The following PLEKHG3 variants were observed in gnomAD, a reference collection of about 807,000 sequenced individuals.
PLEKHG3 encodes the protein pleckstrin homology domain-containing family G member 3.
Under a neutral mutation model 94.9 loss-of-function variants are expected in PLEKHG3, and 62 were observed. The ratio of observed to expected loss-of-function variants is 0.65; its 90% CI spans 0.53 to 0.81. The LOEUF is 0.81. PLEKHG3 is among the 30% of genes least tolerant of loss of function. PLEKHG3 has a pLI of 0.00. For missense variants in PLEKHG3, 1,461 were observed against 1,619.3 expected (o/e 0.90, Z 1.68); for synonymous variants, 614 against 654.0 (o/e 0.94, Z 0.93).
Position 64,723,493 on chromosome 14 carries a change from A to AAG in PLEKHG3, c.-39-4097_-39-4096dup, listed in dbSNP as rs556305129. On this transcript the variant is annotated intron_variant, in intron 1 of 16. Transcript: ENST00000247226. This position sits in a 1 kb window ranked among gnomAD's most constrained non-coding sequence, Gnocchi z 4.5. ...GGTTTCACAAGTATAGGACTTGAGA[A>AAG]AGAGTTTTCTTTTTTCTTTTTTTTT... Among the ~76,000 whole-genome samples the AAG allele has an allele frequency of 0.16, 24,313 of 151,918 alleles. 2,072 individuals carry two copies. The highest frequency in any genetic ancestry group is 0.22 in the African/African-American group (8,937 of 41,402).
chr14:64,741,855 C>G lies in PLEKHG3; in HGVS notation c.2338C>G (p.Arg780Gly), dbSNP rs532243151. ...PVGSKRQVGS[R>G]PTSWALFELP... ...GGGGAGCAAGAGACAGGTGGGCTCC[C>G]GGCCGACTTCGTGGGCCCTGTTTGA... Residue 780 changes from arginine to glycine, a missense_variant, in exon 16 of 17, where the codon CGG (arginine) becomes GGG (glycine). By Grantham distance (125) the Arg-to-Gly change is moderately radical (BLOSUM62 -2). Around this residue, in one of 3 missense-constraint regions of PLEKHG3, gnomAD observed 1,201 missense variants for 1,295.5 expected, o/e 0.93. Coordinates refer to ENST00000247226, the MANE Select transcript of PLEKHG3 (RefSeq NM_001308147.2). 12 of 1,613,384 alleles carry G rather than the reference C, an allele frequency of 7.4e-6. No individual in the cohort carries two copies. In the East Asian group the frequency reaches 2.2e-4, roughly 30 times the overall value.
rs2081435078 is a variant in PLEKHG3, at chr14:64,730,337, C to G, written c.519+25C>G. ...GGTAAGAAGGGCTGGGTCCTTGCCT[C>G]TGTCCTACCTTGCTGAGAGCTCAGA... On this transcript the variant is annotated intron_variant, in intron 4 of 16. Transcript: ENST00000247226. This position sits in a 1 kb window ranked among gnomAD's most constrained non-coding sequence, Gnocchi z 5.4. 6.9e-7 allele frequency: 1 copy of G among 1,448,012 alleles called. No individual in the cohort carries two copies. Among genetic ancestry groups the G allele is most frequent in the Non-Finnish European group, 9.4e-7 (1 of 1,066,486 alleles). The allele number at this position is 1,448,012 out of a possible 1,614,324, so 89.7% of individuals were successfully genotyped here. A position where few individuals can be genotyped will look rare whatever the true frequency, so the allele number is the denominator to read the frequency against.
At position 64,722,798 on chromosome 14, in the gene PLEKHG3, C is replaced by T. The variant is rs2081286474; in HGVS notation, c.-39-4795C>T. 6.6e-6 allele frequency among the ~76,000 whole-genome samples: 1 copy of T among 152,214 alleles called. No homozygotes were observed. Among genetic ancestry groups the T allele is most frequent in the Admixed American group, 6.5e-5 (1 of 15,284 alleles). On this transcript the variant is annotated intron_variant, in intron 1 of 16. Coordinates refer to ENST00000247226, the MANE Select transcript of PLEKHG3 (RefSeq NM_001308147.2). The surrounding 1 kb of genome is among the most constrained non-coding windows in gnomAD (Gnocchi z 4.3). The stretch of plus-strand genomic sequence containing the variant: ...CCCCTCTCCTGCCTTGTCCTCAACT[C>T]ACTGGCCTGGGAGGGAGAGCCAGTG...
intron 1 of PLEKHG3, among the ~76,000 whole-genome samples, chr14:64,710,554 C>T (rs2139359222): frequency 6.6e-6 from 1 of 152,166 alleles, no homozygotes; most frequent in Admixed American, 6.5e-5. Flanking sequence ...ACCCGTAATC[C>T]CAGCTACTCG....
Position 64,721,498 on chromosome 14 carries a change from T to C in PLEKHG3, c.-39-6095T>C, listed in dbSNP as rs2081261491. ...CTGCAAGGGACCCAGCCAGACTACA[T>C]GGGCCCTGCTGCTCTTAGGTGGTGG... On this transcript the variant is annotated intron_variant, in intron 1 of 16. Transcript: ENST00000247226. The surrounding 1 kb of genome is among the most constrained non-coding windows in gnomAD (Gnocchi z 4.3). Among the ~76,000 whole-genome samples, 1 of 152,142 alleles carries C rather than the reference T, an allele frequency of 6.6e-6. No individual in the cohort carries two copies. The highest frequency in any genetic ancestry group is 6.5e-5 in the Admixed American group (1 of 15,282).
chr14:64,716,455 C>CAG lies in PLEKHG3; in HGVS notation c.-39-11137_-39-11136insGA, dbSNP rs1325434328. ...GGCCCTACACACACACACACACACA[C>CAG]ACACACACACAACACACACACACAC... On this transcript the variant is annotated intron_variant, in intron 1 of 16. Coordinates refer to ENST00000247226, the MANE Select transcript of PLEKHG3 (RefSeq NM_001308147.2). The surrounding 1 kb of genome is among the most constrained non-coding windows in gnomAD (Gnocchi z 5.0). 1.4e-5 allele frequency among the ~76,000 whole-genome samples: 2 copies of CAG among 137,976 alleles called. No homozygotes were observed. Among genetic ancestry groups the CAG allele is most frequent in the African/African-American group, 2.8e-5 (1 of 35,220 alleles). The allele number at this position is 137,976 out of a possible 152,430, so 90.5% of individuals were successfully genotyped here. A position where few individuals can be genotyped will look rare whatever the true frequency, so the allele number is the denominator to read the frequency against.
rs2081141958 is a variant in PLEKHG3, at chr14:64,716,181, T to C, written c.-39-11412T>C. On this transcript the variant is annotated intron_variant, in intron 1 of 16. Transcript: ENST00000247226. The surrounding 1 kb of genome is among the most constrained non-coding windows in gnomAD (Gnocchi z 5.0). ...TCCGGGCCTCTAAGCCTTGCCGGAC[T>C]TCCCCCAGGAAACCCAGCCAATCAC... 1 of 382,002 alleles carries C rather than the reference T, an allele frequency of 2.6e-6. No homozygotes were observed. Among genetic ancestry groups the C allele is most frequent in the African/African-American group, 2.1e-5 (1 of 47,378 alleles). The allele number at this position is 382,002 out of a possible 1,614,324, so 23.7% of individuals were successfully genotyped here.
In PLEKHG3 at chr14:64,730,971, G is replaced by A. The variant is rs557513522; in HGVS notation, c.717+22G>A. 29 of 1,613,450 alleles carry A rather than the reference G, an allele frequency of 1.8e-5. No homozygotes were observed. The South Asian group carries it at 3.0e-4, about 16-fold the overall frequency. On this transcript the variant is annotated intron_variant, in intron 6 of 16. Coordinates refer to ENST00000247226, the MANE Select transcript of PLEKHG3 (RefSeq NM_001308147.2). The surrounding 1 kb of genome is among the most constrained non-coding windows in gnomAD (Gnocchi z 5.4). The stretch of plus-strand genomic sequence containing the variant: ...CCAGGTAGCCCCTCGGTCCTCCCAA[G>A]CACCTAGGGCCTGGGGAGGGCAGGG...
In PLEKHG3 at chr14:64,727,579, C is replaced by A. The variant is rs2081376497; in HGVS notation, c.-39-14C>A. On this transcript the variant is annotated splice_polypyrimidine_tract_variant and intron_variant, in intron 1 of 16. Transcript: ENST00000247226. The surrounding 1 kb of genome is among the most constrained non-coding windows in gnomAD (Gnocchi z 6.0). ...ATTCAGAGGTTGACCCTTCATCTGT[C>A]TGTCTTGTTGCAGAATCTCCCTGGG... 2 of 874,778 alleles carry A rather than the reference C, an allele frequency of 2.3e-6. No individual in the cohort carries two copies. The highest frequency in any genetic ancestry group is 1.4e-5 in the South Asian group (1 of 72,282). The allele number at this position is 874,778 out of a possible 1,614,324, so 54.2% of individuals were successfully genotyped here.
rs1435489277 is a variant in PLEKHG3, at chr14:64,716,057, CGTG to C, written c.-40+11357_-40+11359del. The C allele has an allele frequency of 2.2e-5, 10 of 456,204 alleles. No individual in the cohort carries two copies. Among genetic ancestry groups the C allele is most frequent in the Non-Finnish European group, 4.4e-5 (10 of 226,746 alleles). 28.3% of individuals were successfully genotyped at this position (456,204 alleles called of 1,614,324 possible). ...CGGCTGCCCGGCCCCTCGCCACCCT[CGTG>C]GTGCCCGGATGGGAGCTCTCCTGAG... On this transcript the variant is annotated intron_variant, in intron 1 of 16. Coordinates refer to ENST00000247226, the MANE Select transcript of PLEKHG3 (RefSeq NM_001308147.2). This position sits in a 1 kb window ranked among gnomAD's most constrained non-coding sequence, Gnocchi z 5.0.
chr14:64,714,847 T>C lies in PLEKHG3; in HGVS notation c.-40+10143T>C, dbSNP rs12880249. On this transcript the variant is annotated intron_variant, in intron 1 of 16. Transcript: ENST00000247226. ...CTGTGTGCTTCCACCTTCTGGCATG[T>C]TTTTACACAGTGGCCAAAATGAGAA... is the stretch of plus-strand genomic sequence containing the variant. 2.2e-3 allele frequency among the ~76,000 whole-genome samples: 339 copies of C among 152,240 alleles called. 1 individual carries two copies. Among genetic ancestry groups the C allele is most frequent in the Non-Finnish European group, 3.3e-3 (223 of 68,010 alleles).
At position 64,723,586 on chromosome 14, in the gene PLEKHG3, T is replaced by C. The variant is rs969533805; in HGVS notation, c.-39-4007T>C. On this transcript the variant is annotated intron_variant, in intron 1 of 16. Coordinates refer to ENST00000247226, the MANE Select transcript of PLEKHG3 (RefSeq NM_001308147.2). This position sits in a 1 kb window ranked among gnomAD's most constrained non-coding sequence, Gnocchi z 4.5. ...CGCGATCTCAGCTCACTGAAACATC[T>C]GCCTTCCAGGTTCAAGCGATTCTTC... 2.6e-5 allele frequency among the ~76,000 whole-genome samples: 4 copies of C among 151,948 alleles called. No homozygotes were observed. Among genetic ancestry groups the C allele is most frequent in the African/African-American group, 4.8e-5 (2 of 41,386 alleles).
chr14:64,749,438 G>T lies in PLEKHG3; in HGVS notation c.*5735G>T. 1.2e-6 allele frequency: 2 copies of T among 1,603,596 alleles called. No homozygotes were observed. Among genetic ancestry groups the T allele is most frequent in the Non-Finnish European group, 8.5e-7 (1 of 1,178,966 alleles). On this transcript the variant is annotated 3_prime_UTR_variant, in exon 17 of 17. Transcript: ENST00000247226. The surrounding 1 kb of genome is among the most constrained non-coding windows in gnomAD (Gnocchi z 4.7). ...GGATGCTCTGGGACTCGTTGATGGC[G>T]GTGCTCACGCCCTGCAGCCAGGACA... is the stretch of plus-strand genomic sequence containing the variant.
rs751199042 is a variant in PLEKHG3, at chr14:64,724,273, G to T, written c.-39-3320G>T. 2.0e-5 allele frequency among the ~76,000 whole-genome samples: 3 copies of T among 152,136 alleles called. No homozygotes were observed. In the South Asian group the frequency reaches 6.2e-4, roughly 32 times the overall value. ...ACTCTGAGAGCGATGCCTCTTATCCGTCACCATCAAACGGTGCCTCCTGAC... is the reference window on the plus strand; with the variant it reads ...ACTCTGAGAGCGATGCCTCTTATCCTTCACCATCAAACGGTGCCTCCTGAC... On this transcript the variant is annotated intron_variant, in intron 1 of 16. Transcript: ENST00000247226.
In PLEKHG3 at chr14:64,722,830, G is replaced by A. The variant is rs1349609979; in HGVS notation, c.-39-4763G>A. Among the ~76,000 whole-genome samples, 3 of 152,180 alleles carry A rather than the reference G, an allele frequency of 2.0e-5. No homozygotes were observed. The highest frequency in any genetic ancestry group is 4.4e-5 in the Non-Finnish European group (3 of 68,040). ...CTGGGAGGGAGAGCCAGTGGGAGTG[G>A]GCTGACTCCTGGGCATTCCCCAAGA... is the stretch of plus-strand genomic sequence containing the variant. On this transcript the variant is annotated intron_variant, in intron 1 of 16. Transcript: ENST00000247226. The surrounding 1 kb of genome is among the most constrained non-coding windows in gnomAD (Gnocchi z 4.3).
rs753168397 is a variant in PLEKHG3, at chr14:64,749,272, G to A, written c.*5569G>A. The A allele has an allele frequency of 9.0e-6, 14 of 1,547,794 alleles. No homozygotes were observed. The highest frequency in any genetic ancestry group is 7.2e-5 in the East Asian group (3 of 41,450). On this transcript the variant is annotated 3_prime_UTR_variant, in exon 17 of 17. Coordinates refer to ENST00000247226, the MANE Select transcript of PLEKHG3 (RefSeq NM_001308147.2). This position sits in a 1 kb window ranked among gnomAD's most constrained non-coding sequence, Gnocchi z 4.7. ...GGCCTGGGCTGCCCGGTCTCTGCGCGTCCCGACTCCGCCGCGCCCGCCAGC... is the reference window on the plus strand; with the variant it reads ...GGCCTGGGCTGCCCGGTCTCTGCGCATCCCGACTCCGCCGCGCCCGCCAGC...
chr14:64,734,763 C>G (rs944386715), intron 12 of PLEKHG3, among the ~76,000 whole-genome samples: 4 of 151,252 alleles, frequency 2.6e-5, no homozygotes, highest in Non-Finnish European at 4.4e-5. Context: ...GTCTGTCACC[C>G]AGGCTGGAGT....
rs190713005 is a variant in PLEKHG3 at position 64,715,438 on chromosome 14, T to C, written c.-40+10734T>C. Among the ~76,000 whole-genome samples, 89 of 152,308 alleles carry C rather than the reference T, an allele frequency of 5.8e-4. 1 individual carries two copies. The East Asian group carries it at 0.016, about 28-fold the overall frequency. On this transcript the variant is annotated intron_variant, in intron 1 of 16. Transcript: ENST00000247226. The surrounding 1 kb of genome is among the most constrained non-coding windows in gnomAD (Gnocchi z 4.4). ...TATATAGAGAATGTGTTTTGCCTTA[T>C]GTCTGGTATACTCGAATAAATGCTA...
intron 1 of PLEKHG3, among the ~76,000 whole-genome samples, chr14:64,712,015 T>C (rs1284265096): frequency 6.6e-6 from 1 of 152,236 alleles, no homozygotes; most frequent in African/African-American, 2.4e-5. Context: ...TTTTTGTATA[T>C]GGTTTGAAAT....
Sources: allele counts gnomAD v4.1 joint callset (sites outside exome capture counted in the v4.1 genomes callset), GRCh38; gene constraint gnomAD v4.1.1; regional missense constraint gnomAD v4.1.1; non-coding constraint Gnocchi (gnomAD v3.1); transcripts MANE v1.5; gene names NCBI Gene and HGNC (gene_info 2026-07-23, HGNC 2026-07-21).